KDM3B: variants seen among roughly 807,000 people sequenced by gnomAD.
The protein encoded by KDM3B is lysine demethylase 3B.
Under a neutral mutation model 170.0 loss-of-function variants are expected in KDM3B, and 10 were observed. That is an observed-to-expected ratio of 0.06 (90% CI 0.04 to 0.10). The LOEUF is 0.10. Among genes scored for constraint, KDM3B ranks in the 10% least tolerant of loss-of-function variants. KDM3B has a pLI of 1.00. For synonymous variants in KDM3B, 831 were observed against 834.8 expected, an observed-to-expected ratio of 1.00 and a Z score of 0.08; for missense variants, 1,394 against 2,195.2, an observed-to-expected ratio of 0.64 and a Z score of 7.29.
intron 11 of KDM3B, among the ~76,000 whole-genome samples, chr5:138,401,347 G>C (rs1426856626): frequency 6.6e-6 from 1 of 150,558 alleles, no homozygotes; most frequent in African/African-American, 2.4e-5. Flanking sequence ...TAAACAGTTT[G>C]ATTCTTCCAA....
intron 3 of KDM3B, 74 bp downstream of exon 3, chr5:138,375,280 G>A: frequency 2.3e-6 from 2 of 864,726 alleles, no homozygotes; most frequent in Admixed American, 4.0e-5. Flanking sequence ...ATAAACATAG[G>A]TGTTTCTCCT....
chr5:138,371,410 T>C (rs1173684257), intron 1 of KDM3B, among the ~76,000 whole-genome samples: 1 of 149,904 alleles, frequency 6.7e-6, no homozygotes, highest in Non-Finnish European at 1.5e-5. Flanking sequence ...GAGCCATGAT[T>C]GTGCCACAAC....
chr5:138,402,481 C>T (rs753202333), intron 11 of KDM3B, among the ~76,000 whole-genome samples: 5 of 152,142 alleles, frequency 3.3e-5, no homozygotes, highest in Non-Finnish European at 5.9e-5. Context: ...GTTTTCTTGT[C>T]TGTAAAACAA....
intron 1 of KDM3B, among the ~76,000 whole-genome samples, chr5:138,365,853 G>A (rs1761731635): frequency 6.6e-6 from 1 of 151,880 alleles, no homozygotes; most frequent in Non-Finnish European, 1.5e-5. Flanking sequence ...ACAAAAATTA[G>A]CCGGGCGTGG....
chr5:138,420,651 G>A lies in KDM3B; in HGVS notation c.3716-55G>A, dbSNP rs879812294. On this transcript the variant is annotated intron_variant, in intron 14 of 23. Transcript: ENST00000314358. ...TGTGACTGATTTTTAGGAGTCAGTT[G>A]TGTGCTGATTATTCCTTTTTGTACC... is the stretch of plus-strand genomic sequence containing the variant. 20 of 1,590,808 alleles carry A rather than the reference G, an allele frequency of 1.3e-5. No homozygotes were observed. In the Admixed American group the frequency reaches 1.3e-4, roughly 11 times the overall value.
At chr5:138,354,086 G>C (rs1761395299) in intron 1 of KDM3B, among the ~76,000 whole-genome samples, 1 of 152,164 alleles carries the variant, frequency 6.6e-6, no homozygotes, top group South Asian at 2.1e-4. Context: ...TGGAAGTAAT[G>C]TTGTAGGCTT....
Position 138,435,801 on chromosome 5 carries a change from A to C in KDM3B, c.*101A>C, listed in dbSNP as rs1030801217. Reference sequence around the variant, plus strand: ...TTGCTGGAGCAGAGGCCCTTCACCCAGAGCCAGTGTGGTCAGTATTCCAAA... The same window carrying C: ...TTGCTGGAGCAGAGGCCCTTCACCCCGAGCCAGTGTGGTCAGTATTCCAAA... On this transcript the variant is annotated 3_prime_UTR_variant, in exon 24 of 24. Coordinates refer to ENST00000314358, the MANE Select transcript of KDM3B (RefSeq NM_016604.4). The C allele has an allele frequency of 2.3e-5, 20 of 888,144 alleles. No homozygotes were observed. The African/African-American group carries it at 3.1e-4, about 14-fold the overall frequency. 55.0% of individuals were successfully genotyped at this position (888,144 alleles called of 1,614,324 possible). A position where few individuals can be genotyped will look rare whatever the true frequency, so the allele number is the denominator to read the frequency against.
At chr5:138,411,980 G>T (rs1278120635) in intron 11 of KDM3B, among the ~76,000 whole-genome samples, 13 of 150,406 alleles carry the variant, frequency 8.6e-5, no homozygotes, top group Non-Finnish European at 1.9e-4. Context: ...AAAGTGCTGG[G>T]ATTACAGGCA....
chr5:138,360,182 T>C (rs947749770), intron 1 of KDM3B, among the ~76,000 whole-genome samples: 3 of 152,186 alleles, frequency 2.0e-5, no homozygotes, highest in Admixed American at 2.0e-4. Flanking sequence ...TCAGCCCTAG[T>C]TGAAATGGGA....
chr5:138,386,242 G>A lies in KDM3B; in HGVS notation c.1001G>A (p.Gly334Glu), dbSNP rs202122146. 23 of 1,614,170 alleles carry A rather than the reference G, an allele frequency of 1.4e-5. No homozygotes were observed. The East Asian group carries it at 3.6e-4, about 25-fold the overall frequency. The change falls in exon 7 of 24, where the codon GGG (glycine) becomes GAG (glutamate). Residue 334 changes from glycine (G) to glutamate (E), a missense_variant. By Grantham distance (98) the Gly-to-Glu change is moderately conservative (BLOSUM62 -2). Transcript: ENST00000314358. ...GGAGGGAATGCCAGTGGAGAGCCAG[G>A]GCTGGATCAGAGAGCCAAGCAGCCA... ...WKGGNASGEP[G>E]LDQRAKQPPS...
At position 138,430,089 on chromosome 5, in the gene KDM3B, T is replaced by C. The variant is rs1286529367; in HGVS notation, c.4893+124T>C. 9 of 1,408,104 alleles carry C rather than the reference T, an allele frequency of 6.4e-6. No homozygotes were observed. The East Asian group carries it at 1.5e-4, about 23-fold the overall frequency. The allele number at this position is 1,408,104 out of a possible 1,614,324, so 87.2% of individuals were successfully genotyped here. On this transcript the variant is annotated intron_variant, in intron 21 of 23. Transcript: ENST00000314358. The stretch of plus-strand genomic sequence containing the variant: ...AAAGACTTGTTGGCCATGATACCTC[T>C]GGTGGAAAAGCCCAAAGGCTTGAAT...
chr5:138,424,052 C>T (rs1763335655), intron 15 of KDM3B, 23 bp from the exon 16 acceptor site: 6 of 1,519,988 alleles, frequency 3.9e-6, no homozygotes, highest in Non-Finnish European at 5.3e-6. Context: ...GTCAAGCTTA[C>T]CTGGTGGATT....
At chr5:138,362,194 G>A (rs897283971) in intron 1 of KDM3B, among the ~76,000 whole-genome samples, 2 of 151,792 alleles carry the variant, frequency 1.3e-5, no homozygotes, top group East Asian at 1.9e-4. Flanking sequence ...GGTGGCGCAC[G>A]TAATCCCTGC....
Position 138,393,220 on chromosome 5 carries a change from A to G in KDM3B, c.2679A>G (p.Gln893=). 6.2e-7 allele frequency: 1 copy of G among 1,614,242 alleles called. No individual in the cohort carries two copies. Among genetic ancestry groups the G allele is most frequent in the Non-Finnish European group, 8.5e-7 (1 of 1,180,036 alleles). ...TAAGCAAAGTGAAGAAGCTGAAGCA[A>G]TCTGGAGAGCCCTTCCTGCAGGATG... The part of the protein sequence containing the change: ...KDVSKVKKLK[Q]SGEPFLQDGS... Residue 893 remains glutamine, a synonymous_variant, in exon 9 of 24, where the codon CAA becomes CAG. Transcript: ENST00000314358.
At chr5:138,409,608 A>G (rs1489816070) in intron 11 of KDM3B, among the ~76,000 whole-genome samples, 1 of 152,130 alleles carries the variant, frequency 6.6e-6, no homozygotes, top group African/African-American at 2.4e-5. Context: ...GAGATATACC[A>G]TATTTGTGGA....
intron 3 of KDM3B, among the ~76,000 whole-genome samples, chr5:138,377,418 T>G (rs1453342828): frequency 6.8e-6 from 1 of 146,502 alleles, no homozygotes; most frequent in Non-Finnish European, 1.5e-5. Flanking sequence ...GAGAATAGAG[T>G]TCTCTTTTTT....
At chr5:138,401,938 G>A (rs1042555109) in intron 11 of KDM3B, among the ~76,000 whole-genome samples, 14 of 147,868 alleles carry the variant, frequency 9.5e-5, no homozygotes, top group African/African-American at 2.5e-4. Flanking sequence ...TTTTTTTGTT[G>A]TTGTTTTTAA....
intron 1 of KDM3B, among the ~76,000 whole-genome samples, chr5:138,360,750 C>T (rs915074778): frequency 4.0e-5 from 6 of 151,894 alleles, no homozygotes; most frequent in Non-Finnish European, 7.4e-5. Context: ...TGCCACCACA[C>T]CTGGCTAATT....
At chr5:138,412,265 A>G (rs1214670125) in intron 11 of KDM3B, among the ~76,000 whole-genome samples, 1 of 151,044 alleles carries the variant, frequency 6.6e-6, no homozygotes, top group Non-Finnish European at 1.5e-5. Flanking sequence ...GAACCCAGGA[A>G]GCGGAGGTTG....
Sources: gnomAD v4.1 joint callset for allele counts (sites outside exome capture counted in the v4.1 genomes callset) on GRCh38, gnomAD v4.1.1 for gene constraint, MANE v1.5 for transcripts, NCBI Gene and HGNC (gene_info 2026-07-23, HGNC 2026-07-21) for gene names.